RAPGEF1: variants seen among roughly 807,000 people sequenced by gnomAD.
RAPGEF1 encodes the protein CRK SH3-binding GNRP.
Under a neutral mutation model 143.3 loss-of-function variants are expected in RAPGEF1, and 33 were observed. That is an observed-to-expected ratio of 0.23 (90% CI 0.17 to 0.31). RAPGEF1 has a LOEUF of 0.31. Among genes scored for constraint, RAPGEF1 ranks in the 10% least tolerant of loss-of-function variants. The probability of loss-of-function intolerance (pLI) is 1.00; values close to 1 mark genes in which losing one functional copy is unlikely to be tolerated. For missense variants in RAPGEF1, 1,199 were observed against 1,645.4 expected (o/e 0.73, Z 4.69); for synonymous variants, 629 against 676.5 (o/e 0.93, Z 1.09).
intron 12 of RAPGEF1, among the ~76,000 whole-genome samples, chr9:131,612,716 T>A (rs1325930629): frequency 1.3e-5 from 2 of 152,194 alleles, no homozygotes; most frequent in African/African-American, 4.8e-5. Context: ...TGGGATCTAA[T>A]CCAGCCTTCA....
intron 12 of RAPGEF1, among the ~76,000 whole-genome samples, chr9:131,609,701 T>TGTGGAG (rs1458042651): frequency 2.0e-5 from 3 of 152,208 alleles, no homozygotes; most frequent in Non-Finnish European, 4.4e-5. Context: ...TGACCTCATA[T>TGTGGAG]GCGAGCGTGT....
At chr9:131,703,255 C>A (rs981823397) in intron 1 of RAPGEF1, among the ~76,000 whole-genome samples, 1 of 152,206 alleles carries the variant, frequency 6.6e-6, no homozygotes, top group East Asian at 1.9e-4. Flanking sequence ...CTACCTCAGC[C>A]TTCCAAAGTG....
chr9:131,713,402 T>G (rs1835647632), intron 1 of RAPGEF1, among the ~76,000 whole-genome samples: 1 of 152,184 alleles, frequency 6.6e-6, no homozygotes, highest in Non-Finnish European at 1.5e-5. Context: ...GTTGGAGGGC[T>G]GGATCCAGCC....
At position 131,628,543 on chromosome 9, in the gene RAPGEF1, C is replaced by T. The variant is rs780891637; in HGVS notation, c.1017+6G>A. On this transcript the variant is annotated splice_donor_region_variant and intron_variant, in intron 8 of 26. Transcript: ENST00000683357. This position sits in a 1 kb window ranked among gnomAD's most constrained non-coding sequence, Gnocchi z 5.7. ...CTTCCCATGCAGGGAACAGGGGCTG[C>T]ATTACCTGCCTATTGATTCCAACAG... 2 of 1,612,316 alleles carry T rather than the reference C, an allele frequency of 1.2e-6. No individual in the cohort carries two copies. Among genetic ancestry groups the T allele is most frequent in the African/African-American group, 1.3e-5 (1 of 75,038 alleles).
chr9:131,651,186 G>C (rs941207216), intron 1 of RAPGEF1, among the ~76,000 whole-genome samples: 1 of 152,186 alleles, frequency 6.6e-6, no homozygotes, highest in Non-Finnish European at 1.5e-5. Flanking sequence ...TATGGAAAAA[G>C]AACTTGCAAA....
chr9:131,736,075 G>C (rs535307456), intron 1 of RAPGEF1, among the ~76,000 whole-genome samples: 12 of 152,230 alleles, frequency 7.9e-5, no homozygotes, highest in African/African-American at 2.9e-4. Flanking sequence ...GTAACTGCTT[G>C]CACAACCAGA....
At chr9:131,622,548 C>T (rs931250464) in intron 10 of RAPGEF1, among the ~76,000 whole-genome samples, 1 of 152,148 alleles carries the variant, frequency 6.6e-6, no homozygotes, top group African/African-American at 2.4e-5. Context: ...ACTGGGGGTC[C>T]AGGTATAGAG....
intron 1 of RAPGEF1, among the ~76,000 whole-genome samples, chr9:131,660,771 G>T (rs1283781569): frequency 1.3e-5 from 2 of 152,254 alleles, no homozygotes; most frequent in African/African-American, 4.8e-5. Flanking sequence ...CAGAAGGGGT[G>T]AGGAGGGATT....
intron 11 of RAPGEF1, among the ~76,000 whole-genome samples, chr9:131,620,208 T>A (rs949212726): frequency 2.0e-5 from 3 of 151,922 alleles, no homozygotes; most frequent in African/African-American, 7.3e-5. Context: ...CTCCACAGTA[T>A]GGAGAAGATG....
intron 14 of RAPGEF1, among the ~76,000 whole-genome samples, chr9:131,602,616 G>A (rs1292450953): frequency 1.3e-5 from 2 of 152,188 alleles, no homozygotes; most frequent in African/African-American, 4.8e-5. Context: ...TTGAACCCAG[G>A]GCTATCTACC....
chr9:131,694,483 G>T (rs780946436), intron 1 of RAPGEF1, among the ~76,000 whole-genome samples: 16 of 152,202 alleles, frequency 1.1e-4, no homozygotes, highest in Non-Finnish European at 2.2e-4. Flanking sequence ...GTGCTCAAAG[G>T]TTTGTTAAAA....
At chr9:131,656,403 AAAGAC>A (rs773420328) in intron 1 of RAPGEF1, among the ~76,000 whole-genome samples, 5 of 152,160 alleles carry the variant, frequency 3.3e-5, no homozygotes, top group Non-Finnish European at 5.9e-5. Context: ...AGTGTCCCTA[AAAGAC>A]ACAGCCTCTT....
chr9:131,582,526 C>G (rs1231998874), intron 25 of RAPGEF1, 79 bp downstream of exon 25: 1 of 1,073,106 alleles, frequency 9.3e-7, no homozygotes, highest in Non-Finnish European at 1.3e-6. Context: ...GATTTCTCTG[C>G]TGGAGCCTGA....
At chr9:131,592,044 T>C (rs1161340096) in intron 18 of RAPGEF1, 55 bp downstream of exon 18, 3 of 1,387,956 alleles carry the variant, frequency 2.2e-6, no homozygotes, top group Non-Finnish European at 2.0e-6. Context: ...AGAGGGTCCC[T>C]CTCTCTCCAA....
intron 1 of RAPGEF1, among the ~76,000 whole-genome samples, chr9:131,726,837 A>C (rs1298739408): frequency 6.6e-6 from 1 of 151,956 alleles, no homozygotes; most frequent in African/African-American, 2.4e-5. Flanking sequence ...CTGTCTCTAC[A>C]AAAAAAATTT....
intron 5 of RAPGEF1, among the ~76,000 whole-genome samples, chr9:131,637,882 T>G (rs932147968): frequency 6.6e-6 from 1 of 152,228 alleles, no homozygotes; most frequent in Non-Finnish European, 1.5e-5. Flanking sequence ...AGTGGTGAAC[T>G]TGGGATTCAA....
intron 12 of RAPGEF1, among the ~76,000 whole-genome samples, chr9:131,617,490 G>A (rs1959171034): frequency 6.6e-6 from 1 of 152,234 alleles, no homozygotes; most frequent in Non-Finnish European, 1.5e-5. Flanking sequence ...ATGGAAACCA[G>A]ACAAGACCAA....
At position 131,709,507 on chromosome 9, in the gene RAPGEF1, T is replaced by G. The variant is rs563624047; in HGVS notation, c.61+30263A>C. On this transcript the variant is annotated intron_variant, in intron 1 of 26. Transcript: ENST00000683357. ...TGAAATCATGTTGGACTACCTGTGC[T>G]TTCTGCTCTGGAAGGTGATTCCCCA... 10 of 912,572 alleles carry G rather than the reference T, an allele frequency of 1.1e-5. No homozygotes were observed. The East Asian group carries it at 2.2e-4, about 20-fold the overall frequency. 56.5% of individuals were successfully genotyped at this position (912,572 alleles called of 1,614,324 possible).
At chr9:131,642,958 G>C (rs1020776614) in intron 4 of RAPGEF1, among the ~76,000 whole-genome samples, 1 of 152,174 alleles carries the variant, frequency 6.6e-6, no homozygotes, top group African/African-American at 2.4e-5. Context: ...GAGGCGTCCT[G>C]GCTTGACGCA....
Sources: gnomAD v4.1 joint callset for allele counts (sites outside exome capture counted in the v4.1 genomes callset) on GRCh38, gnomAD v4.1.1 for gene constraint, Gnocchi (gnomAD v3.1) non-coding constraint, MANE v1.5 for transcripts, NCBI Gene and HGNC (gene_info 2026-07-23, HGNC 2026-07-21) for gene names.